Variants in ASIC2 observed in about 807,000 individuals in gnomAD.
ASIC2 encodes the protein acid-sensing ion channel 2.
A neutral mutation model predicts 57.3 loss-of-function variants in ASIC2; 25 were observed. The ratio of observed to expected loss-of-function variants is 0.44; its 90% CI spans 0.32 to 0.61. The LOEUF is 0.61. Among genes scored for constraint, ASIC2 ranks in the 20% least tolerant of loss-of-function variants. ASIC2 has a pLI of 0.06. For synonymous variants in ASIC2, 319 were observed against 307.5 expected (o/e 1.04, Z -0.39); for missense variants, 641 against 738.1 (o/e 0.87, Z 1.52).
intron 1 of ASIC2, among the ~76,000 whole-genome samples, chr17:33,991,771 T>C (rs1906006074): frequency 6.6e-6 from 1 of 152,230 alleles, no homozygotes; most frequent in Non-Finnish European, 1.5e-5. Flanking sequence ...GATTTGGTTT[T>C]TCCTTGGTTA....
At chr17:33,248,591 A>G (rs1908772293) in intron 1 of ASIC2, among the ~76,000 whole-genome samples, 1 of 152,220 alleles carries the variant, frequency 6.6e-6, no homozygotes, top group African/African-American at 2.4e-5. Context: ...TGTTTCACTG[A>G]GCTGGAACCA....
intron 1 of ASIC2, among the ~76,000 whole-genome samples, chr17:34,104,561 G>A (rs1459115205): frequency 6.6e-6 from 1 of 151,912 alleles, no homozygotes; most frequent in Non-Finnish European, 1.5e-5. Context: ...AGCATTCAGG[G>A]CTTCCCCATC....
At chr17:33,219,782 G>A (rs1597636288) in intron 1 of ASIC2, among the ~76,000 whole-genome samples, 1 of 152,156 alleles carries the variant, frequency 6.6e-6, no homozygotes, top group Admixed American at 6.5e-5. Context: ...AAGGGCCCTG[G>A]GTTGTCTATG....
intron 1 of ASIC2, among the ~76,000 whole-genome samples, chr17:33,769,977 G>A (rs1911047061): frequency 6.6e-6 from 1 of 152,218 alleles, no homozygotes; most frequent in African/African-American, 2.4e-5. Context: ...TGGGGATTGG[G>A]TTTCAACTTG....
chr17:33,731,802 G>C (rs1265866687), intron 1 of ASIC2, among the ~76,000 whole-genome samples: 2 of 152,148 alleles, frequency 1.3e-5, no homozygotes, highest in Non-Finnish European at 2.9e-5. Flanking sequence ...TCTTCAATGT[G>C]CCCACATGGG....
intron 1 of ASIC2, among the ~76,000 whole-genome samples, chr17:33,488,356 C>T (rs1913643122): frequency 6.6e-6 from 1 of 152,220 alleles, no homozygotes; most frequent in African/African-American, 2.4e-5. Context: ...TTCTTCTCTG[C>T]TGGCCGACCA....
chr17:33,378,270 C>G (rs186921167), intron 1 of ASIC2, among the ~76,000 whole-genome samples: 1 of 152,380 alleles, frequency 6.6e-6, no homozygotes, highest in Admixed American at 6.5e-5. Flanking sequence ...ACTGCCTTCT[C>G]TGCTAGCTAA....
At chr17:33,582,254 T>C (rs1904469608) in intron 1 of ASIC2, among the ~76,000 whole-genome samples, 1 of 152,250 alleles carries the variant, frequency 6.6e-6, no homozygotes, top group Non-Finnish European at 1.5e-5. Flanking sequence ...AAACTGGGTG[T>C]TATTTATTTG....
chr17:33,145,099 C>T (rs1253513182), intron 1 of ASIC2, among the ~76,000 whole-genome samples: 2 of 152,210 alleles, frequency 1.3e-5, no homozygotes, highest in Non-Finnish European at 2.9e-5. Flanking sequence ...TATACATAGT[C>T]TCTCAGCTTC....
intron 1 of ASIC2, among the ~76,000 whole-genome samples, chr17:33,620,758 T>C (rs1467146016): frequency 6.6e-6 from 1 of 152,242 alleles, no homozygotes; most frequent in African/African-American, 2.4e-5. Flanking sequence ...AGTCAGACTG[T>C]AATGCTCAGT....
intron 1 of ASIC2, among the ~76,000 whole-genome samples, chr17:33,951,622 A>G (rs1904571729): frequency 6.7e-6 from 1 of 150,186 alleles, no homozygotes; most frequent in Non-Finnish European, 1.5e-5. Context: ...TCACTCTGTC[A>G]CCCAGGCTGG....
At chr17:33,574,167 A>AG (rs1459122562) in intron 1 of ASIC2, among the ~76,000 whole-genome samples, 3 of 152,234 alleles carry the variant, frequency 2.0e-5, no homozygotes, top group African/African-American at 7.2e-5. Flanking sequence ...TATCTGCATT[A>AG]GCATAAGAGT....
chr17:33,079,690 G>C (rs1156902669), intron 3 of ASIC2, among the ~76,000 whole-genome samples: 1 of 152,142 alleles, frequency 6.6e-6, no homozygotes, highest in African/African-American at 2.4e-5. Flanking sequence ...ATAAGGAACT[G>C]AACTAAAGTA....
chr17:33,806,898 T>C (rs1036976904), intron 1 of ASIC2, among the ~76,000 whole-genome samples: 2 of 152,206 alleles, frequency 1.3e-5, no homozygotes, highest in African/African-American at 4.8e-5. Flanking sequence ...AAGATGTCAG[T>C]GTCATGTTTG....
At chr17:33,985,970 C>G (rs1223375865) in intron 1 of ASIC2, among the ~76,000 whole-genome samples, 4 of 152,138 alleles carry the variant, frequency 2.6e-5, no homozygotes, top group Admixed American at 2.6e-4. Context: ...CCATTGCCTT[C>G]TTCTTTTCTC....
At chr17:33,265,344 C>T (rs979699256) in intron 1 of ASIC2, among the ~76,000 whole-genome samples, 1 of 152,206 alleles carries the variant, frequency 6.6e-6, no homozygotes, top group Non-Finnish European at 1.5e-5. Context: ...GGAAAGAGAT[C>T]ATGTCCTTTA....
At chr17:34,034,425 C>G (rs373709326) in intron 1 of ASIC2, among the ~76,000 whole-genome samples, 69 of 152,188 alleles carry the variant, frequency 4.5e-4, no homozygotes, top group East Asian at 9.7e-4. Flanking sequence ...GGCAAAAACT[C>G]GAAGCATTCC....
intron 1 of ASIC2, among the ~76,000 whole-genome samples, chr17:33,560,661 G>A (rs1004369191): frequency 2.6e-5 from 4 of 152,112 alleles, no homozygotes; most frequent in African/African-American, 9.7e-5. Context: ...ATACTCCCAA[G>A]GTGAAAGAAG....
intron 1 of ASIC2, among the ~76,000 whole-genome samples, chr17:33,370,240 G>T (rs1459971894): frequency 6.6e-6 from 1 of 152,166 alleles, no homozygotes; most frequent in Non-Finnish European, 1.5e-5. Context: ...ATTGGAATGA[G>T]CAGGAGAATT....
Sources: allele counts gnomAD v4.1 joint callset (sites outside exome capture counted in the v4.1 genomes callset), GRCh38; gene constraint gnomAD v4.1.1; transcripts MANE v1.5; gene names NCBI Gene and HGNC (gene_info 2026-07-23, HGNC 2026-07-21).